CCDC136: variants seen among roughly 807,000 people sequenced by gnomAD.
CCDC136 encodes coiled-coil domain containing 136.
A neutral mutation model predicts 141.2 loss-of-function variants in CCDC136; 100 were observed. The ratio of observed to expected loss-of-function variants is 0.71; its 90% confidence interval spans 0.60 to 0.84. The LOEUF (loss-of-function observed/expected upper bound fraction) is 0.84. CCDC136 is among the 40% of genes least tolerant of loss of function. The pLI is 0.00. For missense variants in CCDC136, 1,206 were observed against 1,379.4 expected (o/e 0.87, Z 1.99); for synonymous variants, 474 against 531.9 (o/e 0.89, Z 1.50).
intron 17 of CCDC136, among the ~76,000 whole-genome samples, chr7:128,819,744 A>G (rs1055745606): frequency 1.3e-5 from 2 of 152,158 alleles, no homozygotes; most frequent in African/African-American, 2.4e-5. Flanking sequence ...TAAGGACTCA[A>G]TATTAGCAAC....
intron 3 of CCDC136, among the ~76,000 whole-genome samples, chr7:128,797,087 C>T (rs1428057606): frequency 2.6e-5 from 4 of 152,020 alleles, no homozygotes; most frequent in South Asian, 2.1e-4. Context: ...CTAATGAATT[C>T]GATCAGGGGA....
chr7:128,821,560 T>C lies in CCDC136; in HGVS notation c.*6-239T>C, dbSNP rs2128929716. On this transcript the variant is annotated intron_variant, in intron 17 of 17. Coordinates refer to ENST00000297788, the MANE Select transcript of CCDC136 (RefSeq NM_022742.5). The surrounding 1 kb of genome is among the most constrained non-coding windows in gnomAD (Gnocchi z 5.1). ...CATGGGAGCTAGTATTCTCAGCCCA[T>C]GGGGAGAAACGGAGGCCTGAATACA... is the stretch of plus-strand genomic sequence containing the variant. Among the ~76,000 whole-genome samples the C allele has an allele frequency of 6.6e-6, 1 of 152,268 alleles. No homozygotes were observed. The highest frequency in any genetic ancestry group is 3.4e-3 in the Middle Eastern group (1 of 294).
chr7:128,809,517 G>T lies in CCDC136; in HGVS notation c.1673G>T (p.Gly558Val). Residue 558 changes from glycine (G) to valine (V), a missense_variant, in exon 11 of 18, where the codon GGG becomes GTG. By Grantham distance (109) the Gly-to-Val change is moderately radical (BLOSUM62 -3). Transcript: ENST00000297788. ...TACAAGGCCAGCCAGAAGGAGATGGGGCAGCTGCAGATGGAGCAGTGTGAG... is the reference window on the plus strand; with the variant it reads ...TACAAGGCCAGCCAGAAGGAGATGGTGCAGCTGCAGATGGAGCAGTGTGAG... Reference protein sequence around the residue: ...EKYKASQKEMGQLQMEQCELL... With the variant: ...EKYKASQKEMVQLQMEQCELL... 1 of 1,553,202 alleles carries T rather than the reference G, an allele frequency of 6.4e-7. No homozygotes were observed. Among genetic ancestry groups the T allele is most frequent in the South Asian group, 1.2e-5 (1 of 84,062 alleles).
At position 128,812,909 on chromosome 7, in the gene CCDC136, C is replaced by T. The variant is rs767842583; in HGVS notation, c.2743C>T (p.Pro915Ser). ...CMECLEKPMA[P>S]QNDKNEIKEL... ...GGAATGCCTTGAAAAGCCCATGGCC[C>T]CCCAGAACGACAAGAATGAGGTAAC... Residue 915 changes from proline (P) to serine (S), a missense_variant, in exon 14 of 18, where the codon CCC (proline) becomes TCC (serine). Pro to Ser is a moderately conservative substitution (Grantham distance 74). Coordinates refer to ENST00000297788, the MANE Select transcript of CCDC136 (RefSeq NM_022742.5). 6 of 1,608,612 alleles carry T rather than the reference C, an allele frequency of 3.7e-6. No individual in the cohort carries two copies. Among genetic ancestry groups the T allele is most frequent in the Non-Finnish European group, 3.4e-6 (4 of 1,177,564 alleles).
rs1442769728 is a variant in CCDC136, at chr7:128,794,270, A to G, written c.17-78A>G. On this transcript the variant is annotated intron_variant, in intron 1 of 17. Transcript: ENST00000297788. This position sits in a 1 kb window ranked among gnomAD's most constrained non-coding sequence, Gnocchi z 4.3. ...TAGTATGTCATCTCTGCCCTGGCATAGTGAGTTTGAGGGCCCTGGAAGGAC... is the reference window on the plus strand; with the variant it reads ...TAGTATGTCATCTCTGCCCTGGCATGGTGAGTTTGAGGGCCCTGGAAGGAC... 3 of 1,544,318 alleles carry G rather than the reference A, an allele frequency of 1.9e-6. No homozygotes were observed. Among genetic ancestry groups the G allele is most frequent in the South Asian group, 2.4e-5 (2 of 83,260 alleles).
At chr7:128,803,374 G>A (rs1487881514) in intron 4 of CCDC136, among the ~76,000 whole-genome samples, 2 of 152,166 alleles carry the variant, frequency 1.3e-5, no homozygotes, top group Admixed American at 1.3e-4. Context: ...CTTAAAAGTG[G>A]GCATGGTGAC....
chr7:128,818,551 A>G (rs912079942), intron 17 of CCDC136, among the ~76,000 whole-genome samples: 6 of 152,222 alleles, frequency 3.9e-5, no homozygotes, highest in African/African-American at 1.4e-4. Flanking sequence ...TTAGTTATCT[A>G]TTTATCTATT....
Position 128,812,810 on chromosome 7 carries a change from GAA to G in CCDC136, c.2647_2648del (p.Lys883ValfsTer16). The G allele has an allele frequency of 6.2e-7, 1 of 1,613,566 alleles. No individual in the cohort carries two copies. Among genetic ancestry groups the G allele is most frequent in the East Asian group, 2.2e-5 (1 of 44,834 alleles). ...ACACAGCCAGCTGCAAGAGCAGATG[GAA>G]AAGTTACTGGCCAAGCAGAAAGACC... The part of the protein sequence containing the change: ...EEHSQLQEQM[E>X]KLLAKQKDLK... On this transcript the variant is annotated frameshift_variant, in exon 14 of 18. Coordinates refer to ENST00000297788, the MANE Select transcript of CCDC136 (RefSeq NM_022742.5). LOFTEE classifies it high-confidence loss of function.
rs201740952 is a variant in CCDC136, at chr7:128,815,680, G to A, written c.3112G>A (p.Glu1038Lys). The A allele has an allele frequency of 3.3e-5, 52 of 1,555,530 alleles. No homozygotes were observed. The highest frequency in any genetic ancestry group is 4.4e-5 in the Non-Finnish European group (50 of 1,149,286). The change falls in exon 16 of 18, where the codon GAA becomes AAA. Residue 1038 changes from glutamate (E) to lysine (K), a missense_variant. Glu to Lys is a moderately conservative substitution (Grantham distance 56). Transcript: ENST00000297788. ...RKLDGLAKEE[E>K]KKEEMEEEKK... ...ATTAGATGGACTAGCAAAAGAGGAG[G>A]AAAAGAAAGAGGAGATGGAGGAGGA...
intron 4 of CCDC136, among the ~76,000 whole-genome samples, chr7:128,803,972 G>A (rs986291270): frequency 4.6e-5 from 7 of 151,998 alleles, no homozygotes; most frequent in Non-Finnish European, 7.4e-5. Context: ...GCACCGCCAC[G>A]CCTGGTTACT....
chr7:128,812,684 T>C (rs1418331651), intron 13 of CCDC136, 24 bp from the exon 14 acceptor site: 5 of 1,585,950 alleles, frequency 3.2e-6, no homozygotes, highest in East Asian at 4.5e-5. Flanking sequence ...CAGGGTGCTA[T>C]TGTTGCTCCC....
In CCDC136 at chr7:128,814,903, A is replaced by C; in HGVS notation, c.3029A>C (p.Asp1010Ala). 1 of 1,593,856 alleles carries C rather than the reference A, an allele frequency of 6.3e-7. No individual in the cohort carries two copies. The highest frequency in any genetic ancestry group is 8.6e-7 in the Non-Finnish European group (1 of 1,168,786). Residue 1010 changes from aspartate to alanine, a missense_variant, in exon 15 of 18, where the codon GAC (aspartate) becomes GCC (alanine). Asp to Ala is a moderately radical substitution (Grantham distance 126). Coordinates refer to ENST00000297788, the MANE Select transcript of CCDC136 (RefSeq NM_022742.5). ...CCATGCTCGGATACTTCTGAGAGCG[A>C]CCTTGAGACCAGAAAGGTGAGTAGT... The part of the protein sequence containing the change: ...TKPCSDTSES[D>A]LETRKSLEVV...
intron 15 of CCDC136, 82 bp from the exon 16 acceptor site, chr7:128,815,532 C>T (rs1806461228): frequency 7.0e-7 from 1 of 1,418,570 alleles, no homozygotes; most frequent in Non-Finnish European, 9.4e-7. Flanking sequence ...GTCATGTTTC[C>T]TGGAGCTAGT....
rs779566248 is a variant in CCDC136, at chr7:128,817,898, A to G, written c.*5+34A>G. The G allele has an allele frequency of 3.2e-6, 5 of 1,541,372 alleles. No homozygotes were observed. In the African/African-American group the frequency reaches 6.8e-5, roughly 21 times the overall value. ...ATTGCTTCCTCTCCTTCTGAGGGAT[A>G]GAGGGAGGGTGCAGGTTGCCCTGGC... On this transcript the variant is annotated intron_variant, in intron 17 of 17. Transcript: ENST00000297788. This position sits in a 1 kb window ranked among gnomAD's most constrained non-coding sequence, Gnocchi z 4.6.
chr7:128,811,238 T>A (rs1389353695), intron 12 of CCDC136: 2 of 453,210 alleles, frequency 4.4e-6, no homozygotes, highest in Non-Finnish European at 8.9e-6. Context: ...GAACCAGGTA[T>A]AAAATATTTC....
chr7:128,817,910 C>A lies in CCDC136; in HGVS notation c.*5+46C>A. 2.0e-6 allele frequency: 3 copies of A among 1,472,212 alleles called. No homozygotes were observed. Among genetic ancestry groups the A allele is most frequent in the Non-Finnish European group, 2.8e-6 (3 of 1,053,492 alleles). The allele number at this position is 1,472,212 out of a possible 1,614,324, so 91.2% of individuals were successfully genotyped here. A position where few individuals can be genotyped will look rare whatever the true frequency, so the allele number is the denominator to read the frequency against. On this transcript the variant is annotated intron_variant, in intron 17 of 17. Transcript: ENST00000297788. This position sits in a 1 kb window ranked among gnomAD's most constrained non-coding sequence, Gnocchi z 4.6. Reference sequence around the variant, plus strand: ...CCTTCTGAGGGATAGAGGGAGGGTGCAGGTTGCCCTGGCCTCTCCTCTTTC... The same window carrying A: ...CCTTCTGAGGGATAGAGGGAGGGTGAAGGTTGCCCTGGCCTCTCCTCTTTC...
chr7:128,794,817 C>G lies in CCDC136; in HGVS notation c.346+49C>G. On this transcript the variant is annotated intron_variant, in intron 3 of 17. Coordinates refer to ENST00000297788, the MANE Select transcript of CCDC136 (RefSeq NM_022742.5). This position sits in a 1 kb window ranked among gnomAD's most constrained non-coding sequence, Gnocchi z 4.3. ...AGGGAGGTGGCCATCCAAGTGGTCA[C>G]CTAAGTACTTTTTTCCTGAGGGTTT... 1.4e-6 allele frequency: 2 copies of G among 1,450,896 alleles called. No individual in the cohort carries two copies. The highest frequency in any genetic ancestry group is 9.4e-7 in the Non-Finnish European group (1 of 1,059,776). The allele number at this position is 1,450,896 out of a possible 1,614,324, so 89.9% of individuals were successfully genotyped here.
At chr7:128,791,779 G>T (rs1270782903), upstream of CCDC136, 10 of 399,962 alleles carry the variant, frequency 2.5e-5, no homozygotes, top group Non-Finnish European at 3.9e-5. The surrounding 1 kb of genome is among the most constrained non-coding windows in gnomAD (Gnocchi z 7.1). Flanking sequence ...TCCCCAGCGC[G>T]TCTCTCCACT....
intron 13 of CCDC136, among the ~76,000 whole-genome samples, 183 bp downstream of exon 13, chr7:128,812,495 G>T (rs1242211152): frequency 1.3e-5 from 2 of 152,068 alleles, no homozygotes; most frequent in African/African-American, 4.8e-5. Context: ...CCCTCTCATA[G>T]AGAGAATCCC....
Sources: allele counts gnomAD v4.1 joint callset (sites outside exome capture counted in the v4.1 genomes callset), GRCh38; gene constraint gnomAD v4.1.1; non-coding constraint Gnocchi (gnomAD v3.1); transcripts MANE v1.5; gene names NCBI Gene and HGNC (gene_info 2026-07-23, HGNC 2026-07-21).